The following EFHB variants were observed in gnomAD, a reference collection of about 807,000 sequenced individuals.
The protein encoded by EFHB is EF-hand domain-containing family member B.
A neutral mutation model predicts 87.2 loss-of-function variants in EFHB; 91 were observed. That is an observed-to-expected ratio of 1.04 (90% CI 0.88 to 1.24). The LOEUF is 1.24. EFHB is among the 50% of genes most tolerant of loss of function. The probability of loss-of-function intolerance (pLI) is 0.00; values close to 1 mark genes in which losing one functional copy is unlikely to be tolerated. For synonymous variants in EFHB, 325 were observed against 333.6 expected (o/e 0.97, Z 0.28); for missense variants, 1,084 against 998.8 (o/e 1.09, Z -1.15).
Position 19,944,455 on chromosome 3 carries a change from T to C in EFHB, c.-32+2464A>G, listed in dbSNP as rs527787629. 2.2e-3 allele frequency among the ~76,000 whole-genome samples: 339 copies of C among 152,324 alleles called. 1 individual carries two copies. Among genetic ancestry groups the C allele is most frequent in the Non-Finnish European group, 4.0e-3 (274 of 68,024 alleles). On this transcript the variant is annotated intron_variant, in intron 1 of 14. Coordinates refer to the EFHB transcript ENST00000344838. Reference sequence around the variant, plus strand: ...ACTCCACATTTGACACTAAAATATATACAATTATCAGTCCTCCTCAGTTAT... The same window carrying C: ...ACTCCACATTTGACACTAAAATATACACAATTATCAGTCCTCCTCAGTTAT...
chr3:19,914,378 T>C (rs578007240), intron 5 of EFHB, among the ~76,000 whole-genome samples: 1 of 152,348 alleles, frequency 6.6e-6, no homozygotes, highest in Admixed American at 6.5e-5. Context: ...ATCAGTCTAC[T>C]TCTCAATCCT....
intron 6 of EFHB, among the ~76,000 whole-genome samples, chr3:19,905,348 G>A (rs1694805148): frequency 6.6e-6 from 1 of 151,728 alleles, no homozygotes; most frequent in Non-Finnish European, 1.5e-5. Context: ...GTTGATCCCA[G>A]AGAATTAAAA....
chr3:19,901,663 TC>T lies in EFHB; in HGVS notation c.1419-2149del, dbSNP rs903579204. Among the ~76,000 whole-genome samples, 191 of 152,180 alleles carry T rather than the reference TC, an allele frequency of 1.3e-3. 1 individual carries two copies. Among genetic ancestry groups the T allele is most frequent in the African/African-American group, 4.4e-3 (182 of 41,522 alleles). On this transcript the variant is annotated intron_variant, in intron 6 of 12. Transcript: ENST00000295824. ...CAGAGTTAACAATCTAAAAATCAGC[TC>T]CAGGCCAGGCGCAGCGGCTCACACC...
chr3:19,905,258 T>G (rs1166889840), intron 6 of EFHB, among the ~76,000 whole-genome samples: 1 of 152,148 alleles, frequency 6.6e-6, no homozygotes, highest in African/African-American at 2.4e-5. Context: ...TCTCAATAAA[T>G]AAATAAATAA....
chr3:19,930,939 C>A (rs1242691307), intron 1 of EFHB, among the ~76,000 whole-genome samples: 1 of 152,024 alleles, frequency 6.6e-6, no homozygotes, highest in African/African-American at 2.4e-5. Context: ...AGGGGACCAG[C>A]CTGGCCAACA....
chr3:19,918,243 G>A lies in EFHB; in HGVS notation c.1166C>T (p.Ala389Val). The change falls in exon 4 of 13, where the codon GCA (alanine) becomes GTA (valine). Residue 389 changes from alanine (A) to valine (V), a missense_variant. By Grantham distance (64) the Ala-to-Val change is moderately conservative. Coordinates refer to ENST00000295824, the MANE Select transcript of EFHB (RefSeq NM_144715.4). ...TTTTTTTTTACTACCTTTGATGACT[G>A]CTGTCCCAAATGTCGTATTGGTTGT... ...MDTTNTTFGTAVIKEYSAKDV... is the reference protein window; with the variant it reads ...MDTTNTTFGTVVIKEYSAKDV... 1 of 1,591,288 alleles carries A rather than the reference G, an allele frequency of 6.3e-7. No individual in the cohort carries two copies. Among genetic ancestry groups the A allele is most frequent in the Admixed American group, 1.8e-5 (1 of 54,928 alleles).
At chr3:19,945,100 A>G (rs1057156631) in intron 1 of EFHB, among the ~76,000 whole-genome samples, 1 of 152,234 alleles carries the variant, frequency 6.6e-6, no homozygotes, top group Admixed American at 6.5e-5. Context: ...CCTGGCTAAG[A>G]CGGAGCCAGC....
chr3:19,932,696 A>C (rs2929351), intron 1 of EFHB, among the ~76,000 whole-genome samples: 94,276 of 151,560 alleles, frequency 0.62, 29,667 homozygotes, highest in African/African-American at 0.65. Flanking sequence ...TGTTTTTATA[A>C]ATTTAGATAA....
intron 4 of EFHB, among the ~76,000 whole-genome samples, chr3:19,917,169 G>C (rs1332060544): frequency 6.6e-6 from 1 of 151,278 alleles, no homozygotes; most frequent in Non-Finnish European, 1.5e-5. Context: ...CCAGGAGCTT[G>C]AGACCAGCCT....
chr3:19,923,986 C>T (rs992516418), intron 1 of EFHB, among the ~76,000 whole-genome samples: 1 of 152,082 alleles, frequency 6.6e-6, no homozygotes, highest in Non-Finnish European at 1.5e-5. Context: ...CATCCCAGCA[C>T]TTTGGGAGGC....
rs367626280 is a variant in EFHB at position 19,896,778 on chromosome 3, C to T, written c.1634G>A (p.Arg545Gln). 35 of 1,613,872 alleles carry T rather than the reference C, an allele frequency of 2.2e-5. No homozygotes were observed. The highest frequency in any genetic ancestry group is 2.9e-5 in the Non-Finnish European group (34 of 1,179,904). ...DEYLRGKDRQ[R>Q]ALIAAVRHHL... ...ATGCCGAACTGCTGCAATCAGGGCT[C>T]GCTGTCTATCCTTGCCTCGAAGATA... Residue 545 changes from arginine (R) to glutamine (Q), a missense_variant, in exon 9 of 13, where the codon CGA becomes CAA. Arg to Gln is a conservative substitution (Grantham distance 43, BLOSUM62 1). Transcript: ENST00000295824.
chr3:19,928,508 G>A (rs1172382037), intron 1 of EFHB, among the ~76,000 whole-genome samples: 3 of 152,288 alleles, frequency 2.0e-5, no homozygotes, highest in Middle Eastern at 3.4e-3. Context: ...ACAGTGGTGC[G>A]ATCTTGGCTC....
At chr3:19,929,580 G>T (rs1425089700) in intron 1 of EFHB, among the ~76,000 whole-genome samples, 3 of 151,604 alleles carry the variant, frequency 2.0e-5, no homozygotes, top group African/African-American at 7.3e-5. Context: ...GTGGGGGCAG[G>T]CACCTGTAAT....
In EFHB at chr3:19,933,727, G is replaced by T. The variant is rs1480731644; in HGVS notation, c.292C>A (p.Gln98Lys). ...GGCAACAGAGAAGGTTTTGTTCCCT[G>T]TGAAGCTGAGACACTGTCGACTCCT... ...SLGVDSVSASQGTKPSLLPGR... is the reference protein window; with the variant it reads ...SLGVDSVSASKGTKPSLLPGR... Residue 98 changes from glutamine (Q) to lysine (K), a missense_variant, in exon 1 of 13, where the codon CAG (glutamine) becomes AAG (lysine). Transcript: ENST00000295824. The T allele has an allele frequency of 6.2e-7, 1 of 1,613,956 alleles. No individual in the cohort carries two copies. Among genetic ancestry groups the T allele is most frequent in the Admixed American group, 1.7e-5 (1 of 60,022 alleles).
chr3:19,931,489 A>G (rs770866066), intron 1 of EFHB, among the ~76,000 whole-genome samples: 1 of 152,196 alleles, frequency 6.6e-6, no homozygotes, highest in East Asian at 1.9e-4. Context: ...GGAAAACCCA[A>G]AGAGGAAACC....
chr3:19,917,291 C>G (rs73190434), intron 4 of EFHB, among the ~76,000 whole-genome samples: 3,239 of 151,386 alleles, frequency 0.021, 102 homozygotes, highest in African/African-American at 0.071. Context: ...GATATTTAAT[C>G]TACTGTAAAA....
intron 11 of EFHB, among the ~76,000 whole-genome samples, chr3:19,883,969 G>A (rs539354148): frequency 4.2e-4 from 64 of 152,270 alleles, no homozygotes; most frequent in Middle Eastern, 3.4e-3. Context: ...ACCAGTTTGT[G>A]GTACTTTGAT....
chr3:19,904,911 A>T (rs1293643548), intron 6 of EFHB, among the ~76,000 whole-genome samples: 2 of 152,180 alleles, frequency 1.3e-5, no homozygotes, highest in Non-Finnish European at 2.9e-5. Context: ...GACTTTTATG[A>T]GCAATCTTCC....
chr3:19,938,200 G>A (rs1362014161), upstream of EFHB, among the ~76,000 whole-genome samples: 1 of 152,148 alleles, frequency 6.6e-6, no homozygotes, highest in Non-Finnish European at 1.5e-5. Flanking sequence ...TGATTGACTG[G>A]GAAAGGACAT....
Sources: gnomAD v4.1 joint callset for allele counts (sites outside exome capture counted in the v4.1 genomes callset) on GRCh38, gnomAD v4.1.1 for gene constraint, MANE v1.5 for transcripts, NCBI Gene and HGNC (gene_info 2026-07-23, HGNC 2026-07-21) for gene names.